The following ITGA7 variants were observed in gnomAD, a reference collection of about 807,000 sequenced individuals.
ITGA7 encodes the protein integrin subunit alpha 7.
In ITGA7, 84 loss-of-function variants were observed where a neutral mutation model predicts 131.6. The ratio of observed to expected loss-of-function variants is 0.64; its 90% CI spans 0.54 to 0.77. The LOEUF is 0.77. ITGA7 is among the 30% of genes least tolerant of loss of function. The probability of loss-of-function intolerance (pLI) is 0.00; values close to 1 mark genes in which losing one functional copy is unlikely to be tolerated. For synonymous variants in ITGA7, 548 were observed against 600.7 expected (o/e 0.91, Z 1.28); for missense variants, 1,399 against 1,482.9 (o/e 0.94, Z 0.93).
At position 55,698,408 on chromosome 12, in the gene ITGA7, C is replaced by G; in HGVS notation, c.1167G>C (p.Gly389=). The change falls in exon 7 of 25, where the codon GGG becomes GGC. Residue 389 remains glycine (G), a synonymous_variant. Transcript: ENST00000257879. ...SMFGISLAVL[G]DLNQDGFPDI... ...CTGGAAAGCCATCTTGGTTGAGGTC[C>G]CCCAGGACAGCCAGGCTGATCCCGA... 6.2e-7 allele frequency: 1 copy of G among 1,613,418 alleles called. No homozygotes were observed. The highest frequency in any genetic ancestry group is 1.7e-5 in the Admixed American group (1 of 59,974).
upstream of ITGA7, among the ~76,000 whole-genome samples, chr12:55,709,214 T>A (rs1875802748): frequency 6.6e-6 from 1 of 152,210 alleles, no homozygotes; most frequent in South Asian, 2.1e-4. Context: ...TCTAGTGTTG[T>A]CTCTGCCCTT....
rs754384052 is a variant in ITGA7 at position 55,695,588 on chromosome 12, T to C, written c.1937A>G (p.Asn646Ser). 5 of 1,613,564 alleles carry C rather than the reference T, an allele frequency of 3.1e-6. No individual in the cohort carries two copies. Among genetic ancestry groups the C allele is most frequent in the Admixed American group, 3.3e-5 (2 of 59,982 alleles). ...GAAGCGGGCGCGGACCAGCTGCAGA[T>C]TGCTCTGGCAGATCTTGTCTTCACC... ...GCGEDKICQS[N>S]LQLVRARFCT... The change falls in exon 14 of 25, where the codon AAT (asparagine) becomes AGT (serine). Residue 646 changes from asparagine to serine, a missense_variant. By Grantham distance (46) the Asn-to-Ser change is conservative (BLOSUM62 1). Transcript: ENST00000257879.
chr12:55,700,780 C>T (rs1873821407), intron 4 of ITGA7, 119 bp downstream of exon 4: 3 of 1,323,060 alleles, frequency 2.3e-6, no homozygotes, highest in South Asian at 1.3e-5. Context: ...CATGGCAGTG[C>T]CCTGGGGCCA....
upstream of ITGA7, among the ~76,000 whole-genome samples, chr12:55,712,811 C>G (rs1207550022): frequency 2.0e-5 from 3 of 152,138 alleles, no homozygotes. Flanking sequence ...ACACTAGATA[C>G]AGATACCCCA....
In ITGA7 at chr12:55,694,399, A is replaced by G. The variant is rs749901138; in HGVS notation, c.2357+44T>C. The stretch of plus-strand genomic sequence containing the variant: ...CCTCCCAAGGGGTCAGATGAGGTCA[A>G]TATGACTACCCCCACCTCACCCTTC... On this transcript the variant is annotated intron_variant, in intron 17 of 24. Transcript: ENST00000257879. This position sits in a 1 kb window ranked among gnomAD's most constrained non-coding sequence, Gnocchi z 5.3. The G allele has an allele frequency of 6.2e-7, 1 of 1,612,648 alleles. No individual in the cohort carries two copies. The highest frequency in any genetic ancestry group is 1.7e-5 in the Admixed American group (1 of 60,024).
chr12:55,698,016 C>A lies in ITGA7; in HGVS notation c.1203G>T (p.Val401=). 1 of 1,614,140 alleles carries A rather than the reference C, an allele frequency of 6.2e-7. No individual in the cohort carries two copies. The highest frequency in any genetic ancestry group is 8.5e-7 in the Non-Finnish European group (1 of 1,180,036). The change falls in exon 8 of 25, where the codon GTG becomes GTT. Residue 401 remains valine, a synonymous_variant. Coordinates refer to ENST00000257879, the MANE Select transcript of ITGA7 (RefSeq NM_002206.3). ...TCCCATCACCATCAAAGGGGGCACC[C>A]ACTGCAATATCTGCAGGGCACAGGG... ...LNQDGFPDIA[V]GAPFDGDGKV... is the part of the protein sequence containing the mutation.
intron 4 of ITGA7, chr12:55,700,575 G>A: frequency 1.4e-6 from 1 of 697,894 alleles, no homozygotes. Context: ...CCGAGTGTCA[G>A]CTCAGCCAGC....
chr12:55,696,796 G>A (rs992986470), intron 12 of ITGA7, 103 bp downstream of exon 12: 1 of 1,350,084 alleles, frequency 7.4e-7, no homozygotes, highest in Non-Finnish European at 1.1e-6. Flanking sequence ...CTAGGTCTTA[G>A]AAGGAGGCAC....
At chr12:55,706,678 A>G (rs1854062709) in intron 1 of ITGA7, among the ~76,000 whole-genome samples, 1 of 152,140 alleles carries the variant, frequency 6.6e-6, no homozygotes, top group South Asian at 2.1e-4. Flanking sequence ...AACTGATTAG[A>G]AAAAATTAGA....
upstream of ITGA7, chr12:55,716,266 C>A (rs1022426096): frequency 5.2e-6 from 8 of 1,548,668 alleles, no homozygotes; most frequent in Non-Finnish European, 7.0e-6. Flanking sequence ...GCCTGGATCT[C>A]GAGTAACTAA....
At chr12:55,705,513 C>G (rs953748848) in intron 1 of ITGA7, among the ~76,000 whole-genome samples, 3 of 152,272 alleles carry the variant, frequency 2.0e-5, no homozygotes, top group Admixed American at 6.5e-5. Context: ...CCAAGTCCAG[C>G]CCCTCTTTGG....
chr12:55,716,038 A>G (rs771729952), upstream of ITGA7: 7 of 1,544,048 alleles, frequency 4.5e-6, no homozygotes, highest in Non-Finnish European at 6.1e-6. Context: ...CACGTGACAC[A>G]GCGGTCACGT....
At position 55,694,641 on chromosome 12, in the gene ITGA7, C is replaced by T. The variant is rs1565621669; in HGVS notation, c.2251G>A (p.Gly751Arg). The change falls in exon 16 of 25, where the codon GGG becomes AGG. Residue 751 changes from glycine (G) to arginine (R), a missense_variant. Physicochemically the swap from Gly to Arg is moderately radical, Grantham distance 125 (BLOSUM62 -2). Coordinates refer to ENST00000257879, the MANE Select transcript of ITGA7 (RefSeq NM_002206.3). This position sits in a 1 kb window ranked among gnomAD's most constrained non-coding sequence, Gnocchi z 5.3. ...ENASHVECEL[G>R]NPMKRGAQVT... ...TGGGCACCTCTCTTCATGGGGTTCC[C>T]CAGCTCACACTCAACATGGGAGGCA... 14 of 1,614,136 alleles carry T rather than the reference C, an allele frequency of 8.7e-6. No homozygotes were observed. The highest frequency in any genetic ancestry group is 9.3e-6 in the Non-Finnish European group (11 of 1,180,006).
At chr12:55,711,375 G>A (rs541509012), upstream of ITGA7, among the ~76,000 whole-genome samples, 1 of 152,188 alleles carries the variant, frequency 6.6e-6, no homozygotes, top group East Asian at 1.9e-4. Flanking sequence ...CTACTCAGGA[G>A]GCTGAGGCAC....
intron 1 of ITGA7, among the ~76,000 whole-genome samples, chr12:55,706,683 ATTAGAATTG>A (rs923157629): frequency 1.1e-4 from 16 of 152,162 alleles, no homozygotes; most frequent in African/African-American, 3.6e-4. Flanking sequence ...ATTAGAAAAA[ATTAGAATTG>A]TCCTCCACCC....
In ITGA7 at chr12:55,694,831, C is replaced by T. The variant is rs369291330; in HGVS notation, c.2143G>A (p.Val715Ile). 111 of 1,613,868 alleles carry T rather than the reference C, an allele frequency of 6.9e-5. No homozygotes were observed. The highest frequency in any genetic ancestry group is 8.7e-5 in the Non-Finnish European group (103 of 1,179,992). Residue 715 changes from valine to isoleucine, a missense_variant, in exon 15 of 25, where the codon GTC (valine) becomes ATC (isoleucine). Physicochemically the swap from Val to Ile is conservative, Grantham distance 29. Transcript: ENST00000257879. The surrounding 1 kb of genome is among the most constrained non-coding windows in gnomAD (Gnocchi z 5.3). ...GDDAHEAQLL[V>I]MLPDSLHYSG... is the part of the protein sequence containing the mutation. The stretch of plus-strand genomic sequence containing the variant: ...TAGTGCAGTGAGTCAGGAAGCATGA[C>T]CAGGAGCTGGGCTTCATGGGCATCA...
In ITGA7 at chr12:55,694,186, C is replaced by G. The variant is rs137884256; in HGVS notation, c.2433-63G>C. The G allele has an allele frequency of 7.3e-4, 1,182 of 1,611,728 alleles. 12 individuals are homozygous for G. In the Admixed American group the frequency reaches 0.011, roughly 15 times the overall value. On this transcript the variant is annotated intron_variant, in intron 18 of 24. Transcript: ENST00000257879. This position sits in a 1 kb window ranked among gnomAD's most constrained non-coding sequence, Gnocchi z 5.3. ...GGGGCCTGGCTCAATGAAGGCAGGG[C>G]CCTGGCCAAGGTTTGGAAATGTCAA... is the stretch of plus-strand genomic sequence containing the variant.
In ITGA7 at chr12:55,695,507, C is replaced by CAAA; in HGVS notation, c.2003+14_2003+15insTTT. The stretch of plus-strand genomic sequence containing the variant: ...CTTGCCCTCCCACCCCCACCCTGCT[C>CAAA]TCTGCCCCCCTCACATGGGCAGAGG... On this transcript the variant is annotated intron_variant, in intron 14 of 24. Coordinates refer to ENST00000257879, the MANE Select transcript of ITGA7 (RefSeq NM_002206.3). The CAAA allele has an allele frequency of 7.2e-7, 1 of 1,379,462 alleles. No homozygotes were observed. The highest frequency in any genetic ancestry group is 1.0e-6 in the Non-Finnish European group (1 of 967,490). The allele number at this position is 1,379,462 out of a possible 1,614,324, so 85.5% of individuals were successfully genotyped here.
At chr12:55,714,142 C>T (rs182774678), upstream of ITGA7, among the ~76,000 whole-genome samples, 2 of 151,974 alleles carry the variant, frequency 1.3e-5, no homozygotes, top group Non-Finnish European at 2.9e-5. Flanking sequence ...TTTGGGAGGC[C>T]GAGGCGGGCA....
Sources: allele counts gnomAD v4.1 joint callset (sites outside exome capture counted in the v4.1 genomes callset), GRCh38; gene constraint gnomAD v4.1.1; non-coding constraint Gnocchi (gnomAD v3.1); transcripts MANE v1.5; gene names NCBI Gene and HGNC (gene_info 2026-07-23, HGNC 2026-07-21).